Variants in FAM227B observed in about 807,000 individuals in gnomAD.
FAM227B encodes protein FAM227B.
In FAM227B, 88 loss-of-function variants were observed where a neutral mutation model predicts 73.8. The observed-to-expected ratio is 1.19, with a 90% CI of 1.00 to 1.42. The LOEUF (loss-of-function observed/expected upper bound fraction) is 1.42. Ranked by LOEUF, FAM227B falls within the 40% of genes most tolerant of loss-of-function variation. The pLI, the probability that FAM227B is intolerant of heterozygous loss-of-function variation, is 0.00. For synonymous variants in FAM227B, 210 were observed against 190.5 expected (o/e 1.10, Z -0.84); for missense variants, 632 against 590.9 (o/e 1.07, Z -0.72).
At chr15:49,498,630 TA>T (rs2152080703) in intron 11 of FAM227B, among the ~76,000 whole-genome samples, 1 of 152,206 alleles carries the variant, frequency 6.6e-6, no homozygotes, top group East Asian at 1.9e-4. Context: ...TAGAGATAAA[TA>T]AAATATATAA....
At chr15:49,573,645 A>T (rs993160638) in intron 8 of FAM227B, among the ~76,000 whole-genome samples, 1 of 152,140 alleles carries the variant, frequency 6.6e-6, no homozygotes, top group African/African-American at 2.4e-5. Flanking sequence ...AAAGGCCTTC[A>T]CCACATGCCG....
intron 10 of FAM227B, among the ~76,000 whole-genome samples, chr15:49,519,820 C>T (rs561995002): frequency 6.6e-6 from 1 of 152,324 alleles, no homozygotes; most frequent in East Asian, 1.9e-4. Context: ...CTCCTCATTA[C>T]TTATGCAAAT....
intron 9 of FAM227B, among the ~76,000 whole-genome samples, chr15:49,556,960 A>AGTGGGTT (rs2073766331): frequency 6.6e-6 from 1 of 152,130 alleles, no homozygotes; most frequent in African/African-American, 2.4e-5. Flanking sequence ...CCCTGGTGAG[A>AGTGGGTT]GTGGGTTGCC....
intron 8 of FAM227B, among the ~76,000 whole-genome samples, chr15:49,572,080 A>T (rs1445799105): frequency 1.3e-5 from 2 of 151,920 alleles, no homozygotes; most frequent in Non-Finnish European, 2.9e-5. Context: ...GTTAAGTTTA[A>T]ATCTAAGTAT....
intron 3 of FAM227B, among the ~76,000 whole-genome samples, chr15:49,608,855 A>G (rs2077695736): frequency 6.6e-6 from 1 of 152,048 alleles, no homozygotes; most frequent in Non-Finnish European, 1.5e-5. Context: ...AAAAAAGGTA[A>G]TAAGAAATAA....
intron 8 of FAM227B, among the ~76,000 whole-genome samples, chr15:49,572,884 C>A (rs1386366636): frequency 6.6e-6 from 1 of 151,938 alleles, no homozygotes; most frequent in Non-Finnish European, 1.5e-5. Context: ...AAATAACCAA[C>A]TTTTGGCCTA....
At chr15:49,596,280 A>G (rs1032593616) in intron 3 of FAM227B, among the ~76,000 whole-genome samples, 6 of 152,034 alleles carry the variant, frequency 3.9e-5, no homozygotes, top group African/African-American at 1.4e-4. Context: ...AAACATTATA[A>G]GCCAGAAGAG....
chr15:49,353,974 G>A (rs1273271996), intron 13 of FAM227B: 1 of 152,152 alleles, frequency 6.6e-6, no homozygotes, highest in Non-Finnish European at 1.5e-5. Flanking sequence ...TTCATGTGAT[G>A]AAGATTATTG....
intron 15 of FAM227B, chr15:49,329,224 T>A: frequency 1.0e-6 from 1 of 986,390 alleles, no homozygotes; most frequent in Non-Finnish European, 1.2e-6. Context: ...ATGGTATTGA[T>A]GGGTATCTCT....
intron 9 of FAM227B, among the ~76,000 whole-genome samples, chr15:49,562,655 G>C (rs148767051): frequency 9.2e-5 from 14 of 152,226 alleles, no homozygotes; most frequent in Admixed American, 2.6e-4. Context: ...AATTCACCAT[G>C]ATCAAATAAG....
At chr15:49,472,359 C>A (rs570604237) in intron 11 of FAM227B, among the ~76,000 whole-genome samples, 3 of 152,206 alleles carry the variant, frequency 2.0e-5, no homozygotes, top group African/African-American at 7.2e-5. Flanking sequence ...CAAATTCCAG[C>A]AGGAAGGTGG....
At chr15:49,330,620 A>ATCATT (rs896820016) in intron 15 of FAM227B, 1 of 152,094 alleles carries the variant, frequency 6.6e-6, no homozygotes, top group Non-Finnish European at 1.5e-5. Flanking sequence ...TGACACTCAA[A>ATCATT]TCATTTACCA....
intron 10 of FAM227B, among the ~76,000 whole-genome samples, chr15:49,526,784 T>C (rs560130580): frequency 6.6e-6 from 1 of 152,044 alleles, no homozygotes; most frequent in African/African-American, 2.4e-5. Context: ...GTGTACAAAC[T>C]AGAAAACCTA....
intron 13 of FAM227B, among the ~76,000 whole-genome samples, chr15:49,355,715 G>A (rs1229049617): frequency 6.6e-6 from 1 of 150,558 alleles, no homozygotes; most frequent in African/African-American, 2.4e-5. Flanking sequence ...GCAGGCCAAC[G>A]TTCAGATTCA....
intron 13 of FAM227B, among the ~76,000 whole-genome samples, chr15:49,347,484 T>C (rs146478820): frequency 1.3e-3 from 199 of 152,302 alleles, no homozygotes; most frequent in African/African-American, 4.3e-3. Context: ...TGCTATTAGA[T>C]TGCTTAGCAC....
intron 11 of FAM227B, 61 bp downstream of exon 11, chr15:49,508,150 A>G: frequency 6.5e-7 from 1 of 1,526,862 alleles, no homozygotes; most frequent in Non-Finnish European, 8.8e-7. Context: ...TCTGCCTAAT[A>G]AATAAATTAA....
At chr15:49,478,977 G>A (rs985050182) in intron 11 of FAM227B, among the ~76,000 whole-genome samples, 4 of 152,108 alleles carry the variant, frequency 2.6e-5, no homozygotes, top group African/African-American at 9.7e-5. Flanking sequence ...AAAAGTAATT[G>A]CAATTTAGAT....
intron 11 of FAM227B, among the ~76,000 whole-genome samples, chr15:49,394,891 T>C (rs1403711337): frequency 1.3e-5 from 2 of 152,142 alleles, no homozygotes; most frequent in African/African-American, 4.8e-5. Context: ...GACTGTTGAA[T>C]GCAGTGTCTA....
At chr15:49,379,191 T>C (rs550352829) in intron 11 of FAM227B, among the ~76,000 whole-genome samples, 116 of 152,278 alleles carry the variant, frequency 7.6e-4, no homozygotes, top group African/African-American at 2.7e-3. Flanking sequence ...GTTTAATTTC[T>C]AATGTATTGT....
Sources: gnomAD v4.1 joint callset for allele counts (sites outside exome capture counted in the v4.1 genomes callset) on GRCh38, gnomAD v4.1.1 for gene constraint, MANE v1.5 for transcripts, NCBI Gene and HGNC (gene_info 2026-07-23, HGNC 2026-07-21) for gene names.